Variants in COLEC12 observed in about 807,000 individuals in gnomAD.
COLEC12 encodes collectin subfamily member 12, also known as collectin-12.
In COLEC12, 33 loss-of-function variants were observed where a neutral mutation model predicts 71.1. That is an observed-to-expected ratio of 0.46 (90% confidence interval 0.35 to 0.62). COLEC12 has a LOEUF of 0.62. Among genes scored for constraint, COLEC12 ranks in the 20% least tolerant of loss-of-function variants. The pLI is 0.00. For missense variants in COLEC12, 765 were observed against 916.1 expected (o/e 0.84, Z 2.13); for synonymous variants, 350 against 353.0 (o/e 0.99, Z 0.10).
chr18:448,917 G>A (rs1371232092), intron 2 of COLEC12, among the ~76,000 whole-genome samples: 2 of 152,046 alleles, frequency 1.3e-5, no homozygotes, highest in African/African-American at 4.8e-5. Context: ...AAGGAATATT[G>A]TACATTTGGT....
chr18:446,385 T>A (rs1052990616), intron 2 of COLEC12, among the ~76,000 whole-genome samples: 1 of 152,046 alleles, frequency 6.6e-6, no homozygotes, highest in South Asian at 2.1e-4. Context: ...CAGATTGTTA[T>A]GATATTTAAC....
intron 2 of COLEC12, among the ~76,000 whole-genome samples, chr18:450,841 T>G (rs1283069299): frequency 1.3e-5 from 2 of 152,212 alleles, no homozygotes; most frequent in African/African-American, 4.8e-5. Context: ...CTGATAGTGA[T>G]GTGGACAGTG....
At chr18:389,990 T>C (rs1915428190) in intron 2 of COLEC12, among the ~76,000 whole-genome samples, 1 of 152,230 alleles carries the variant, frequency 6.6e-6, no homozygotes, top group Non-Finnish European at 1.5e-5. Context: ...TGTTCTAATT[T>C]TTGTTCTAAT....
chr18:333,237 C>A, intron 6 of COLEC12, 94 bp from the exon 7 acceptor site: 1 of 1,080,944 alleles, frequency 9.3e-7, no homozygotes, highest in African/African-American at 1.6e-5. Context: ...ACTGTGGTCC[C>A]GCTGGGAGCA....
Position 500,507 on chromosome 18 carries a change from C to A in COLEC12, c.7+1G>T. On this transcript the variant is annotated splice_donor_variant, in intron 1 of 9. Transcript: ENST00000400256. LOFTEE classifies it high-confidence loss of function. The surrounding 1 kb of genome is among the most constrained non-coding windows in gnomAD (Gnocchi z 5.3). ...GCCCCGCGGAGCTGCCGCCGCCCTA[C>A]CTTTCATGGTGACCGTGGGGACGCA... 8.1e-7 allele frequency: 1 copy of A among 1,230,394 alleles called. No homozygotes were observed. The highest frequency in any genetic ancestry group is 1.0e-6 in the Non-Finnish European group (1 of 986,730). 76.2% of individuals were successfully genotyped at this position (1,230,394 alleles called of 1,614,324 possible).
At chr18:391,142 G>A (rs982067130) in intron 2 of COLEC12, among the ~76,000 whole-genome samples, 2 of 152,060 alleles carry the variant, frequency 1.3e-5, no homozygotes. Context: ...TATTCCTATC[G>A]CCTTAACGTG....
intron 2 of COLEC12, among the ~76,000 whole-genome samples, chr18:393,120 T>C (rs183202571): frequency 3.3e-4 from 51 of 152,366 alleles, no homozygotes; most frequent in Middle Eastern, 3.4e-3. Flanking sequence ...TGAATTGTTC[T>C]GGTCCCATGT....
intron 2 of COLEC12, among the ~76,000 whole-genome samples, chr18:370,687 T>C (rs750517776): frequency 6.6e-6 from 1 of 152,190 alleles, no homozygotes; most frequent in Non-Finnish European, 1.5e-5. Flanking sequence ...GATACTTGTC[T>C]TGAGAGGTCC....
rs1471641610 is a variant in COLEC12 at position 318,058 on chromosome 18, G to A, written c.*1987C>T. On this transcript the variant is annotated 3_prime_UTR_variant, in exon 10 of 10. Transcript: ENST00000400256. ...GTGGCGCGATCTCGGCTCACTGCAAGCTCCGCTTCCTGGGTTCACGCCATT... is the reference window on the plus strand; with the variant it reads ...GTGGCGCGATCTCGGCTCACTGCAAACTCCGCTTCCTGGGTTCACGCCATT... 1.4e-5 allele frequency: 2 copies of A among 147,088 alleles called. No homozygotes were observed. Among genetic ancestry groups the A allele is most frequent in the South Asian group, 2.2e-4 (1 of 4,590 alleles). 9.1% of individuals were successfully genotyped at this position (147,088 alleles called of 1,614,324 possible). A position where few individuals can be genotyped will look rare whatever the true frequency, so the allele number is the denominator to read the frequency against.
intron 2 of COLEC12, among the ~76,000 whole-genome samples, chr18:414,575 G>A (rs140999362): frequency 6.6e-6 from 1 of 152,278 alleles, no homozygotes; most frequent in East Asian, 1.9e-4. Flanking sequence ...TCCAGCCTGG[G>A]CAACAAGAGT....
chr18:482,085 G>A (rs1917429679), intron 1 of COLEC12, among the ~76,000 whole-genome samples: 1 of 151,428 alleles, frequency 6.6e-6, no homozygotes, highest in Admixed American at 6.6e-5. Context: ...TCATCCACAA[G>A]TAGGCCCCAG....
At chr18:419,062 C>A (rs879448978) in intron 2 of COLEC12, among the ~76,000 whole-genome samples, 2 of 152,176 alleles carry the variant, frequency 1.3e-5, no homozygotes, top group African/African-American at 4.8e-5. Flanking sequence ...GGTTCCTCAT[C>A]CACAAAATGA....
rs568865933 is a variant in COLEC12 at position 349,221 on chromosome 18, T to C, written c.182-1058A>G. On this transcript the variant is annotated intron_variant, in intron 3 of 9. Transcript: ENST00000400256. ...CAGGGTCCCCATGCTGTGTGCAGCC[T>C]AGGGACTTGGTGCCCTGCTTCCCAG... Among the ~76,000 whole-genome samples, 82 of 152,326 alleles carry C rather than the reference T, an allele frequency of 5.4e-4. 1 individual carries two copies. In the South Asian group the frequency reaches 6.0e-3, roughly 11 times the overall value.
intron 2 of COLEC12, among the ~76,000 whole-genome samples, chr18:440,282 T>C (rs1415690575): frequency 6.6e-6 from 1 of 152,066 alleles, no homozygotes; most frequent in African/African-American, 2.4e-5. Flanking sequence ...TCTAATAATG[T>C]ATAGCATGGT....
chr18:446,566 T>C (rs1323759812), intron 2 of COLEC12, among the ~76,000 whole-genome samples: 4 of 150,566 alleles, frequency 2.7e-5, no homozygotes, highest in African/African-American at 7.4e-5. Context: ...TTTTTTTTTT[T>C]TTTGTTTAAG....
chr18:455,555 T>C (rs1326254321), intron 2 of COLEC12, among the ~76,000 whole-genome samples: 1 of 152,176 alleles, frequency 6.6e-6, no homozygotes, highest in African/African-American at 2.4e-5. Context: ...GGTATACATG[T>C]GCCATGGTGG....
At chr18:497,406 G>C (rs1218479277) in intron 1 of COLEC12, among the ~76,000 whole-genome samples, 4 of 151,762 alleles carry the variant, frequency 2.6e-5, no homozygotes, top group Non-Finnish European at 5.9e-5. Context: ...GTGTGTGTGT[G>C]TGTGTGTGTG....
intron 2 of COLEC12, among the ~76,000 whole-genome samples, chr18:472,325 A>G (rs1443131941): frequency 6.6e-6 from 1 of 152,138 alleles, no homozygotes; most frequent in Non-Finnish European, 1.5e-5. Flanking sequence ...CTTCCTTAAA[A>G]GTATTATTCT....
intron 1 of COLEC12, among the ~76,000 whole-genome samples, chr18:495,606 C>A (rs1917696843): frequency 6.6e-6 from 1 of 152,208 alleles, no homozygotes; most frequent in Non-Finnish European, 1.5e-5. Context: ...CACTGGCTGA[C>A]TGAAGAACAC....
Sources: gnomAD v4.1 joint callset for allele counts (sites outside exome capture counted in the v4.1 genomes callset) on GRCh38, gnomAD v4.1.1 for gene constraint, Gnocchi (gnomAD v3.1) non-coding constraint, MANE v1.5 for transcripts, NCBI Gene and HGNC (gene_info 2026-07-23, HGNC 2026-07-21) for gene names.